PIWIL4: variants seen among roughly 807,000 people sequenced by gnomAD.
PIWIL4 encodes the protein piwi-like protein 4.
Under a neutral mutation model 100.9 loss-of-function variants are expected in PIWIL4, and 50 were observed. The observed-to-expected ratio is 0.50, with a 90% CI of 0.39 to 0.63. The LOEUF (loss-of-function observed/expected upper bound fraction) is 0.63. PIWIL4 is among the 20% of genes least tolerant of loss of function. PIWIL4 has a pLI of 0.00. For missense variants in PIWIL4, 887 were observed against 1,043.3 expected, an observed-to-expected ratio of 0.85 and a Z score of 2.06; for synonymous variants, 342 against 367.5, an observed-to-expected ratio of 0.93 and a Z score of 0.79.
chr11:94,595,533 C>A, intron 10 of PIWIL4, 107 bp downstream of exon 10: 1 of 915,140 alleles, frequency 1.1e-6, no homozygotes, highest in East Asian at 2.5e-5. Context: ...CATATTGATT[C>A]AGAGCAAGGA....
chr11:94,585,533 T>G lies in PIWIL4; in HGVS notation c.716+8T>G, dbSNP rs1948386864. 6.3e-7 allele frequency: 1 copy of G among 1,586,514 alleles called. No individual in the cohort carries two copies. Among genetic ancestry groups the G allele is most frequent in the Non-Finnish European group, 8.6e-7 (1 of 1,161,684 alleles). On this transcript the variant is annotated splice_region_variant and intron_variant, in intron 6 of 19. Coordinates refer to ENST00000299001, the MANE Select transcript of PIWIL4 (RefSeq NM_152431.3). ...GGAAATTCCCCAGCACAAGTAGGTTTATTTATATTTTCTGTTACTCCGAAA... is the reference window on the plus strand; with the variant it reads ...GGAAATTCCCCAGCACAAGTAGGTTGATTTATATTTTCTGTTACTCCGAAA...
chr11:94,616,033 A>G (rs774778157), intron 15 of PIWIL4, among the ~76,000 whole-genome samples: 2 of 152,246 alleles, frequency 1.3e-5, no homozygotes, highest in African/African-American at 2.4e-5. Flanking sequence ...TAGAAGCTCT[A>G]TTGCTAAATT....
rs1948901483 is a variant in PIWIL4 at position 94,621,234 on chromosome 11, A to G, written c.*242A>G. ...GTCATATGTGGAATTTAAATATACC[A>G]TCATCTACAAAGAATTCCACAGAGT... On this transcript the variant is annotated 3_prime_UTR_variant, in exon 20 of 20. Transcript: ENST00000299001. 4.7e-6 allele frequency: 2 copies of G among 428,730 alleles called. No homozygotes were observed. The highest frequency in any genetic ancestry group is 4.2e-6 in the Non-Finnish European group (1 of 239,046). 26.6% of individuals were successfully genotyped at this position (428,730 alleles called of 1,614,324 possible). A position where few individuals can be genotyped will look rare whatever the true frequency, so the allele number is the denominator to read the frequency against.
At chr11:94,596,495 G>A (rs533260701) in intron 10 of PIWIL4, among the ~76,000 whole-genome samples, 2 of 152,040 alleles carry the variant, frequency 1.3e-5, no homozygotes, top group Admixed American at 6.6e-5. Context: ...AATACTGTAC[G>A]TCATGTTTTG....
In PIWIL4 at chr11:94,595,561, T is replaced by G. The variant is rs868305353; in HGVS notation, c.1268+135T>G. ...AGCAAGGAGCTTTTGAATTGTGCTGTCCACAGCCCTTCATCTGAGATGTCT... is the reference window on the plus strand; with the variant it reads ...AGCAAGGAGCTTTTGAATTGTGCTGGCCACAGCCCTTCATCTGAGATGTCT... On this transcript the variant is annotated intron_variant, in intron 10 of 19. Coordinates refer to ENST00000299001, the MANE Select transcript of PIWIL4 (RefSeq NM_152431.3). The G allele has an allele frequency of 1.6e-5, 11 of 698,524 alleles. No individual in the cohort carries two copies. The African/African-American group carries it at 1.8e-4, about 11-fold the overall frequency. 43.3% of individuals were successfully genotyped at this position (698,524 alleles called of 1,614,324 possible).
chr11:94,586,886 T>A (rs957368870), intron 6 of PIWIL4, among the ~76,000 whole-genome samples, 164 bp from the exon 7 acceptor site: 7 of 152,106 alleles, frequency 4.6e-5, no homozygotes, highest in Non-Finnish European at 7.4e-5. Context: ...ACACTGCAGC[T>A]GAAAAAAAGT....
intron 6 of PIWIL4, 75 bp downstream of exon 6, chr11:94,585,600 A>G (rs1359546032): frequency 8.9e-7 from 1 of 1,121,224 alleles, no homozygotes; most frequent in African/African-American, 1.6e-5. Flanking sequence ...GCAATATTAT[A>G]CCATTATGCC....
chr11:94,620,801 AAAGT>A (rs1381843772), intron 19 of PIWIL4, 71 bp from the exon 20 acceptor site: 3 of 1,143,720 alleles, frequency 2.6e-6, no homozygotes, highest in Non-Finnish European at 3.9e-6. Context: ...ACCAGTAGAC[AAAGT>A]AAAATCAGAA....
chr11:94,599,685 T>C (rs1948608863), intron 11 of PIWIL4, among the ~76,000 whole-genome samples: 1 of 152,186 alleles, frequency 6.6e-6, no homozygotes, highest in Non-Finnish European at 1.5e-5. Context: ...TGAGGATGGC[T>C]GATGGTTGGA....
intron 16 of PIWIL4, among the ~76,000 whole-genome samples, chr11:94,617,189 A>G: frequency 6.6e-6 from 1 of 151,402 alleles, no homozygotes; most frequent in East Asian, 2.0e-4. Flanking sequence ...TTGCTTATAC[A>G]TGTTGGTAAT....
At chr11:94,600,962 A>T (rs1048074411) in intron 11 of PIWIL4, among the ~76,000 whole-genome samples, 1 of 151,854 alleles carries the variant, frequency 6.6e-6, no homozygotes. Flanking sequence ...CATTGCTGTT[A>T]TCCTGTTCTT....
chr11:94,612,426 A>G (rs534866637), intron 15 of PIWIL4, among the ~76,000 whole-genome samples: 83 of 150,668 alleles, frequency 5.5e-4, no homozygotes, highest in Non-Finnish European at 8.9e-4. Flanking sequence ...CTTTCAATCT[A>G]TGTGTGTCCT....
chr11:94,568,656 C>A, intron 1 of PIWIL4, 74 bp from the exon 2 acceptor site: 1 of 1,175,036 alleles, frequency 8.5e-7, no homozygotes, highest in Non-Finnish European at 1.3e-6. Flanking sequence ...AGACCTGACA[C>A]TGTTCTTAGG....
rs144385706 is a variant in PIWIL4, at chr11:94,596,402, ATAAT to A, written c.1268+982_1268+985del. The stretch of plus-strand genomic sequence containing the variant: ...AAATGAGTGAATCACAATTGAATTA[ATAAT>A]TAATTCAATTAATATTAGTAATATT... On this transcript the variant is annotated intron_variant, in intron 10 of 19. Transcript: ENST00000299001. 1.5e-3 allele frequency among the ~76,000 whole-genome samples: 222 copies of A among 152,296 alleles called. 1 individual carries two copies. The highest frequency in any genetic ancestry group is 4.6e-3 in the African/African-American group (191 of 41,558).
intron 8 of PIWIL4, among the ~76,000 whole-genome samples, chr11:94,590,822 C>T (rs142186772): frequency 4.8e-4 from 73 of 152,298 alleles, no homozygotes; most frequent in African/African-American, 1.7e-3. Context: ...CCACTACCGT[C>T]ACTCTTTATG....
intron 4 of PIWIL4, 109 bp from the exon 5 acceptor site, chr11:94,583,339 G>A (rs143283192): frequency 1.4e-4 from 170 of 1,206,950 alleles, no homozygotes; most frequent in Non-Finnish European, 1.9e-4. Context: ...ACTAACACCT[G>A]CAGTTTTGTT....
chr11:94,583,489 A>T lies in PIWIL4; in HGVS notation c.555A>T (p.Ile185=). ...GTGAAACTCAAAGAGGTGAGACTAT[A>T]AAGATGACTATCACCCTGAAGAGGG... is the stretch of plus-strand genomic sequence containing the variant. The part of the protein sequence containing the change: ...LSSETQRGET[I]KMTITLKREL... The change falls in exon 5 of 20, where the codon ATA becomes ATT. Residue 185 remains isoleucine, a synonymous_variant. Coordinates refer to ENST00000299001, the MANE Select transcript of PIWIL4 (RefSeq NM_152431.3). 6.2e-7 allele frequency: 1 copy of T among 1,613,806 alleles called. No homozygotes were observed. The highest frequency in any genetic ancestry group is 1.3e-5 in the African/African-American group (1 of 75,054).
intron 13 of PIWIL4, among the ~76,000 whole-genome samples, chr11:94,606,662 G>A (rs976098716): frequency 7.2e-5 from 11 of 151,944 alleles, no homozygotes; most frequent in Non-Finnish European, 1.5e-4. Flanking sequence ...GTGAAACCCC[G>A]TCTCTACTAA....
chr11:94,607,604 A>G lies in PIWIL4; in HGVS notation c.1804A>G (p.Lys602Glu). 6.2e-7 allele frequency: 1 copy of G among 1,614,164 alleles called. No individual in the cohort carries two copies. The change falls in exon 14 of 20, where the codon AAG becomes GAG. Residue 602 changes from lysine to glutamate, a missense_variant. Around this residue, in one of 2 missense-constraint regions of PIWIL4, gnomAD observed 741 missense variants for 930.0 expected, o/e 0.80. Transcript: ENST00000299001. The part of the protein sequence containing the change: ...ATKIAMQMTC[K>E]LGGELWAVEI... The stretch of plus-strand genomic sequence containing the variant: ...CAAGATCGCTATGCAGATGACTTGC[A>G]AGCTCGGAGGCGAGCTGTGGGCTGT...
Sources: gnomAD v4.1 joint callset for allele counts (sites outside exome capture counted in the v4.1 genomes callset) on GRCh38, gnomAD v4.1.1 for gene constraint, gnomAD v4.1.1 regional missense constraint, MANE v1.5 for transcripts, NCBI Gene and HGNC (gene_info 2026-07-23, HGNC 2026-07-21) for gene names.